RDH11: variants seen among roughly 807,000 people sequenced by gnomAD.
The protein encoded by RDH11 is retinol dehydrogenase 11.
In RDH11, 19 loss-of-function variants were observed where a neutral mutation model predicts 33.4. That is an observed-to-expected ratio of 0.57 (90% confidence interval 0.40 to 0.83). The LOEUF (loss-of-function observed/expected upper bound fraction) is 0.83, where lower values mean the gene tolerates loss of function less well. RDH11 is among the 40% of genes least tolerant of loss of function. RDH11 has a pLI of 0.00. For missense variants in RDH11, 353 were observed against 389.0 expected (o/e 0.91, Z 0.78); for synonymous variants, 154 against 155.3 (o/e 0.99, Z 0.06).
At chr14:67,692,831 T>C in intron 2 of RDH11, 103 bp downstream of exon 2, 1 of 970,996 alleles carries the variant, frequency 1.0e-6, no homozygotes, top group Middle Eastern at 3.0e-4. Context: ...TCCTTAGGTG[T>C]TCTTGAATTC....
rs752488718 is a variant in RDH11 at position 67,681,894 on chromosome 14, CAT to C, written c.854+3119_854+3120del. Among the ~76,000 whole-genome samples the C allele has an allele frequency of 2.0e-5, 3 of 152,284 alleles. No homozygotes were observed. In the East Asian group the frequency reaches 5.8e-4, roughly 29 times the overall value. Reference sequence around the variant, plus strand: ...TTTGAATGTATCCCTTAAAAAATCACATGTTGGAAACTTAGTCCCTCTGCCTT... The same window carrying C: ...TTTGAATGTATCCCTTAAAAAATCACGTTGGAAACTTAGTCCCTCTGCCTT... On this transcript the variant is annotated intron_variant, in intron 6 of 6. Coordinates refer to ENST00000381346, the MANE Select transcript of RDH11 (RefSeq NM_016026.4).
At chr14:67,694,177 A>G (rs544943942) in intron 1 of RDH11, among the ~76,000 whole-genome samples, 2 of 152,292 alleles carry the variant, frequency 1.3e-5, no homozygotes, top group African/African-American at 4.8e-5. Flanking sequence ...AGCTACCTGC[A>G]TAGTGCGAAA....
chr14:67,693,432 G>A (rs1000973234), intron 1 of RDH11, among the ~76,000 whole-genome samples: 1 of 151,910 alleles, frequency 6.6e-6, no homozygotes, highest in Non-Finnish European at 1.5e-5. Context: ...GTCCACAACT[G>A]GCATTTTATG....
Position 67,678,139 on chromosome 14 carries a change from T to G in RDH11, c.*182A>C, listed in dbSNP as rs543287383. On this transcript the variant is annotated 3_prime_UTR_variant, in exon 7 of 7. Transcript: ENST00000381346. ...AACAGAAGCAAAGTAAATCTGGACA[T>G]GACAGACATTTAGACGAATCTGGCA... The G allele has an allele frequency of 6.5e-4, 354 of 545,198 alleles. 5 individuals carry two copies. The South Asian group carries it at 7.3e-3, about 11-fold the overall frequency. 33.8% of individuals were successfully genotyped at this position (545,198 alleles called of 1,614,324 possible).
At chr14:67,679,549 G>A (rs1398075235) in intron 6 of RDH11, among the ~76,000 whole-genome samples, 3 of 152,008 alleles carry the variant, frequency 2.0e-5, no homozygotes, top group Non-Finnish European at 2.9e-5. Flanking sequence ...GATTATAGGC[G>A]CCTGCCACCA....
At chr14:67,690,479 G>C in intron 4 of RDH11, 58 bp from the exon 5 acceptor site, 1 of 1,454,306 alleles carries the variant, frequency 6.9e-7, no homozygotes, top group African/African-American at 1.4e-5. Flanking sequence ...GACAGGAGTC[G>C]TGGTGAGCAG....
chr14:67,682,023 C>T (rs570322230), intron 6 of RDH11, among the ~76,000 whole-genome samples: 10 of 152,206 alleles, frequency 6.6e-5, no homozygotes, highest in African/African-American at 2.2e-4. Flanking sequence ...CATGTGATGC[C>T]CTCTGCCATA....
intron 6 of RDH11, among the ~76,000 whole-genome samples, chr14:67,682,497 T>C (rs1476780140): frequency 6.6e-6 from 1 of 151,954 alleles, no homozygotes; most frequent in African/African-American, 2.4e-5. Flanking sequence ...AAAAAGCGCA[T>C]GAAAGAATGT....
intron 5 of RDH11, among the ~76,000 whole-genome samples, chr14:67,687,925 C>T (rs2037702204): frequency 6.6e-6 from 1 of 152,026 alleles, no homozygotes; most frequent in East Asian, 1.9e-4. Context: ...GCGCCCGCCA[C>T]CACACCTGGC....
chr14:67,691,177 T>C lies in RDH11; in HGVS notation c.417A>G (p.Ala139=). 1.2e-6 allele frequency: 2 copies of C among 1,614,108 alleles called. No homozygotes were observed. The highest frequency in any genetic ancestry group is 2.2e-5 in the South Asian group (2 of 91,086). ...GVMMCPYSKT[A]DGFEMHIGVN... The stretch of plus-strand genomic sequence containing the variant: ...CTCCTATGTGCATCTCAAAGCCATC[T>C]GCTGTCTTCGAGTACGGACACATCA... Residue 139 remains alanine, a synonymous_variant, in exon 4 of 7, where the codon GCA becomes GCG. Transcript: ENST00000381346.
intron 1 of RDH11, among the ~76,000 whole-genome samples, chr14:67,694,596 T>G (rs1380617509): frequency 2.0e-5 from 3 of 151,538 alleles, no homozygotes; most frequent in African/African-American, 4.9e-5. Flanking sequence ...TGAGATTCTA[T>G]GTGGATAAGA....
intron 6 of RDH11, among the ~76,000 whole-genome samples, chr14:67,679,406 T>G (rs1328157822): frequency 6.8e-6 from 1 of 148,028 alleles, no homozygotes; most frequent in East Asian, 1.9e-4. Context: ...AATTCCAAGT[T>G]TTTTTTTTTT....
intron 6 of RDH11, among the ~76,000 whole-genome samples, chr14:67,681,476 A>C (rs935818288): frequency 5.9e-5 from 9 of 152,174 alleles, no homozygotes; most frequent in African/African-American, 2.2e-4. Flanking sequence ...CCCCTACCTC[A>C]TATCATATAC....
intron 6 of RDH11, 101 bp downstream of exon 6, chr14:67,684,914 A>C (rs377293298): frequency 1.1e-6 from 1 of 896,604 alleles, no homozygotes; most frequent in Non-Finnish European, 1.7e-6. Context: ...GACAAAAGCT[A>C]TATGAGACAA....
In RDH11 at chr14:67,690,419, G is replaced by C. The variant is rs2037734546; in HGVS notation, c.457C>G (p.His153Asp). The C allele has an allele frequency of 1.2e-6, 2 of 1,613,706 alleles. No individual in the cohort carries two copies. The highest frequency in any genetic ancestry group is 1.7e-6 in the Non-Finnish European group (2 of 1,179,638). ...AGCAGCAGATGGGTTAGGAGGAAGT[G>C]ACCTGTTGAGAAATACTAGAATTAA... The part of the protein sequence containing the change: ...EMHIGVNHLG[H>D]FLLTHLLLEK... Residue 153 changes from histidine (H) to aspartate (D), a missense_variant and splice_region_variant, in exon 5 of 7, where the codon CAC (histidine) becomes GAC (aspartate). By Grantham distance (81) the His-to-Asp change is moderately conservative (BLOSUM62 -1). Coordinates refer to ENST00000381346, the MANE Select transcript of RDH11 (RefSeq NM_016026.4).
intron 5 of RDH11, among the ~76,000 whole-genome samples, chr14:67,686,642 A>AGC: frequency 6.8e-6 from 1 of 148,078 alleles, no homozygotes; most frequent in Non-Finnish European, 1.5e-5. Flanking sequence ...CCGGTGCAAA[A>AGC]AAAAAAAAAA....
intron 6 of RDH11, among the ~76,000 whole-genome samples, chr14:67,679,232 T>C (rs548285251): frequency 2.0e-5 from 3 of 152,246 alleles, no homozygotes; most frequent in African/African-American, 7.2e-5. Context: ...GATAATGGCA[T>C]TAAACCATTC....
chr14:67,684,567 G>A (rs1311331854), intron 6 of RDH11: 1 of 152,052 alleles, frequency 6.6e-6, no homozygotes, highest in Non-Finnish European at 1.5e-5. Context: ...GAGGACAATA[G>A]AGAAATGCAG....
chr14:67,680,632 C>T (rs942078246), intron 6 of RDH11, among the ~76,000 whole-genome samples: 12 of 152,008 alleles, frequency 7.9e-5, no homozygotes, highest in African/African-American at 2.9e-4. Flanking sequence ...CTAATTTTTG[C>T]ATTTTTTATA....
Sources: gnomAD v4.1 joint callset for allele counts (sites outside exome capture counted in the v4.1 genomes callset) on GRCh38, gnomAD v4.1.1 for gene constraint, MANE v1.5 for transcripts, NCBI Gene and HGNC (gene_info 2026-07-23, HGNC 2026-07-21) for gene names.